GNE: variants seen among roughly 807,000 people sequenced by gnomAD.
GNE encodes glucosamine (UDP-N-acetyl)-2-epimerase/N-acetylmannosamine kinase.
A neutral mutation model predicts 61.8 loss-of-function variants in GNE; 41 were observed. That is an observed-to-expected ratio of 0.66 (90% confidence interval 0.52 to 0.86). The LOEUF (loss-of-function observed/expected upper bound fraction) is 0.86. Among genes scored for constraint, GNE ranks in the 40% least tolerant of loss-of-function variants. The probability of loss-of-function intolerance (pLI) is 0.00; values close to 1 mark genes in which losing one functional copy is unlikely to be tolerated. For missense variants in GNE, 608 were observed against 909.1 expected (o/e 0.67, Z 4.26); for synonymous variants, 264 against 326.4 (o/e 0.81, Z 2.06).
At chr9:36,274,741 G>A (rs1404530187) in intron 1 of GNE, among the ~76,000 whole-genome samples, 1 of 129,570 alleles carries the variant, frequency 7.7e-6, no homozygotes, top group Non-Finnish European at 1.6e-5. Flanking sequence ...TTTTTCTCTT[G>A]AGACGGAGTC....
chr9:36,261,145 G>A (rs540152797), upstream of GNE, among the ~76,000 whole-genome samples: 5 of 152,112 alleles, frequency 3.3e-5, no homozygotes, highest in East Asian at 1.9e-4. Flanking sequence ...AAAAGACCCC[G>A]GTGATTACAT....
rs1230114542 is a variant in GNE at position 36,214,704 on chromosome 9, C to CAAAG, written c.*2657_*2660dup. The CAAAG allele has an allele frequency of 6.6e-6, 1 of 152,046 alleles. No individual in the cohort carries two copies. The highest frequency in any genetic ancestry group is 2.4e-5 in the African/African-American group (1 of 41,404). 9.4% of individuals were successfully genotyped at this position (152,046 alleles called of 1,614,324 possible). On this transcript the variant is annotated 3_prime_UTR_variant, in exon 12 of 12. Transcript: ENST00000642385. ...CAGATTTCACCATGAGAGATTACAC[C>CAAAG]AAAGAACAGATGTCCCTTCCCAGAA...
At chr9:36,239,113 A>G (rs1387334898) in intron 3 of GNE, among the ~76,000 whole-genome samples, 1 of 152,162 alleles carries the variant, frequency 6.6e-6, no homozygotes, top group Non-Finnish European at 1.5e-5. Flanking sequence ...TACCAGTAAC[A>G]TGCTGTTTTG....
chr9:36,230,428 G>A (rs940479550), intron 5 of GNE, among the ~76,000 whole-genome samples: 35 of 151,790 alleles, frequency 2.3e-4, no homozygotes, highest in Admixed American at 8.5e-4. Flanking sequence ...GGCTCCAGAG[G>A]TTGGTCCTGG....
At chr9:36,244,059 G>C (rs973933700) in intron 3 of GNE, among the ~76,000 whole-genome samples, 1 of 151,740 alleles carries the variant, frequency 6.6e-6, no homozygotes, top group Non-Finnish European at 1.5e-5. Flanking sequence ...AACTACTCAG[G>C]CTCAAGTGAC....
chr9:36,254,613 C>G (rs1481064176), intron 1 of GNE, among the ~76,000 whole-genome samples: 1 of 152,026 alleles, frequency 6.6e-6, no homozygotes, highest in East Asian at 1.9e-4. Context: ...TCAGTACTTA[C>G]AATGGACAGT....
chr9:36,216,083 C>G lies in GNE; in HGVS notation c.*1282G>C, dbSNP rs1828259209. The G allele has an allele frequency of 3.1e-6, 1 of 321,874 alleles. No individual in the cohort carries two copies. The highest frequency in any genetic ancestry group is 2.2e-5 in the African/African-American group (1 of 45,698). The allele number at this position is 321,874 out of a possible 1,614,324, so 19.9% of individuals were successfully genotyped here. A position where few individuals can be genotyped will look rare whatever the true frequency, so the allele number is the denominator to read the frequency against. On this transcript the variant is annotated 3_prime_UTR_variant, in exon 12 of 12. Coordinates refer to ENST00000642385, the MANE Select transcript of GNE (RefSeq NM_005476.7). ...GTTCAGCTAGAGTAATAACATCTTT[C>G]AACAAATGGTATCCAGGATTAGGGG...
chr9:36,249,449 C>T lies in GNE; in HGVS notation c.-42-52G>A, dbSNP rs1004060542. The T allele has an allele frequency of 4.3e-6, 5 of 1,164,476 alleles. No individual in the cohort carries two copies. The East Asian group carries it at 9.8e-5, about 23-fold the overall frequency. The allele number at this position is 1,164,476 out of a possible 1,614,324, so 72.1% of individuals were successfully genotyped here. ...TAATCAGAATAACTCCTAGATATAA[C>T]TAAACTTTAAACTTCTCTAAATCAG... On this transcript the variant is annotated intron_variant, in intron 1 of 11. Coordinates refer to ENST00000642385, the MANE Select transcript of GNE (RefSeq NM_005476.7).
At position 36,236,950 on chromosome 9, in the gene GNE, T is replaced by C; in HGVS notation, c.651A>G (p.Ala217=). 6.2e-7 allele frequency: 1 copy of C among 1,611,966 alleles called. No homozygotes were observed. Among genetic ancestry groups the C allele is most frequent in the Non-Finnish European group, 8.5e-7 (1 of 1,178,026 alleles). Residue 217 remains alanine, a synonymous_variant, in exon 4 of 12, where the codon GCA becomes GCG. Transcript: ENST00000642385. ...TGTCAGTGGTCACAGGGTGCTGTAG[T>C]GCAACAATGTAATCTTTAGATTTTA... The part of the protein sequence containing the change: ...DDVKSKDYIV[A]LQHPVTTDIK...
intron 2 of GNE, 107 bp from the exon 3 acceptor site, chr9:36,246,589 T>G (rs1003778896): frequency 1.0e-4 from 69 of 687,664 alleles, no homozygotes; most frequent in Middle Eastern, 4.0e-4. Flanking sequence ...AACATTAAAA[T>G]AAATAAATTG....
intron 3 of GNE, among the ~76,000 whole-genome samples, chr9:36,244,058 G>C (rs1267777230): frequency 1.3e-5 from 2 of 151,688 alleles, no homozygotes; most frequent in African/African-American, 2.4e-5. Flanking sequence ...CAACTACTCA[G>C]GCTCAAGTGA....
At chr9:36,258,898 A>G (rs552763868), upstream of GNE, among the ~76,000 whole-genome samples, 1 of 152,322 alleles carries the variant, frequency 6.6e-6, no homozygotes, top group African/African-American at 2.4e-5. Flanking sequence ...CGTGACTGCT[A>G]GAAGACACTG....
At chr9:36,276,155 A>G (rs1831254253) in intron 1 of GNE, among the ~76,000 whole-genome samples, 1 of 150,922 alleles carries the variant, frequency 6.6e-6, no homozygotes, top group Admixed American at 6.7e-5. Context: ...CCTGGGTGAC[A>G]GAGCAAGATC....
At position 36,264,753 on chromosome 9, in the gene GNE, G is replaced by C. The variant is rs934950308; in HGVS notation, c.51+12141C>G. 3.9e-5 allele frequency among the ~76,000 whole-genome samples: 6 copies of C among 152,290 alleles called. No individual in the cohort carries two copies. The East Asian group carries it at 1.2e-3, about 29-fold the overall frequency. Reference sequence around the variant, plus strand: ...CACACCCGACCAATCAGGTAGTAAAGAGAGCTCACTAAAATGCCAATCAGA... The same window carrying C: ...CACACCCGACCAATCAGGTAGTAAACAGAGCTCACTAAAATGCCAATCAGA... On this transcript the variant is annotated intron_variant, in intron 1 of 11. Coordinates refer to the GNE transcript ENST00000396594.
At chr9:36,236,359 GCTGGC>G (rs1554661432) in intron 4 of GNE, among the ~76,000 whole-genome samples, 1 of 152,054 alleles carries the variant, frequency 6.6e-6, no homozygotes, top group Non-Finnish European at 1.5e-5. Context: ...CACCACTGTG[GCTGGC>G]TAATTATTGT....
chr9:36,235,309 A>G (rs1029772190), intron 4 of GNE, among the ~76,000 whole-genome samples: 1 of 152,212 alleles, frequency 6.6e-6, no homozygotes, highest in Non-Finnish European at 1.5e-5. Context: ...TAAGGCTTCG[A>G]TAATCCATTT....
rs182758289 is a variant in GNE, at chr9:36,223,076, A to G, written c.1412-78T>C. 1.4e-3 allele frequency: 1,887 copies of G among 1,336,038 alleles called. 4 individuals carry two copies. The highest frequency in any genetic ancestry group is 0.012 in the Middle Eastern group (46 of 3,944). 82.8% of individuals were successfully genotyped at this position (1,336,038 alleles called of 1,614,324 possible). A position where few individuals can be genotyped will look rare whatever the true frequency, so the allele number is the denominator to read the frequency against. ...AGTATGCTGACTTTCTTGTCTTAAG[A>G]ACACAGATTCATTCACCCCAGATCT... is the stretch of plus-strand genomic sequence containing the variant. On this transcript the variant is annotated intron_variant, in intron 8 of 11. Transcript: ENST00000642385.
chr9:36,252,796 G>A (rs761074685), intron 1 of GNE, among the ~76,000 whole-genome samples: 2 of 147,338 alleles, frequency 1.4e-5, no homozygotes, highest in Admixed American at 1.4e-4. Flanking sequence ...TTTCATCTGT[G>A]TTCCCCAGCT....
intron 9 of GNE, 80 bp from the exon 10 acceptor site, chr9:36,220,100 G>A: frequency 1.7e-6 from 2 of 1,180,258 alleles, no homozygotes; most frequent in Non-Finnish European, 2.5e-6. Flanking sequence ...CATCTATTTA[G>A]CAGAGCTTTG....
Sources: allele counts gnomAD v4.1 joint callset (sites outside exome capture counted in the v4.1 genomes callset), GRCh38; gene constraint gnomAD v4.1.1; transcripts MANE v1.5; gene names NCBI Gene and HGNC (gene_info 2026-07-23, HGNC 2026-07-21).